TMEM222: variants seen among roughly 807,000 people sequenced by gnomAD.
TMEM222 encodes chromosome 1 open reading frame 160.
A neutral mutation model predicts 25.1 loss-of-function variants in TMEM222; 18 were observed. The observed-to-expected ratio is 0.72, with a 90% CI of 0.50 to 1.06. TMEM222 has a LOEUF of 1.06. Ranked by LOEUF, TMEM222 falls within the 50% of genes least tolerant of loss-of-function variation. The probability of loss-of-function intolerance (pLI) is 0.00; values close to 1 mark genes in which losing one functional copy is unlikely to be tolerated. For missense variants in TMEM222, 296 were observed against 293.7 expected, an observed-to-expected ratio of 1.01 and a Z score of -0.06; for synonymous variants, 131 against 117.9, an observed-to-expected ratio of 1.11 and a Z score of -0.72.
chr1:27,322,283 C>A lies in TMEM222; in HGVS notation c.86C>A (p.Ala29Glu). Residue 29 changes from alanine (A) to glutamate (E), a missense_variant, in exon 1 of 6, where the codon GCG becomes GAG. Transcript: ENST00000374076. ...PRMAEVEAPTAAETDMKQYQG... is the reference protein window; with the variant it reads ...PRMAEVEAPTEAETDMKQYQG... ...ATGGCGGAAGTGGAGGCGCCGACGGCGGCCGAGACGGACATGAAGCAATAT... is the reference window on the plus strand; with the variant it reads ...ATGGCGGAAGTGGAGGCGCCGACGGAGGCCGAGACGGACATGAAGCAATAT... The A allele has an allele frequency of 6.5e-7, 1 of 1,549,524 alleles. No individual in the cohort carries two copies. The highest frequency in any genetic ancestry group is 8.7e-7 in the Non-Finnish European group (1 of 1,145,162).
In TMEM222 at chr1:27,335,444, G is replaced by T. The variant is rs760111527; in HGVS notation, c.605G>T (p.Ser202Ile). 4 of 1,614,190 alleles carry T rather than the reference G, an allele frequency of 2.5e-6. No homozygotes were observed. The South Asian group carries it at 4.4e-5, about 18-fold the overall frequency. The change falls in exon 6 of 6, where the codon AGC becomes ATC. Residue 202 changes from serine (S) to isoleucine (I), a missense_variant. Coordinates refer to ENST00000374076, the MANE Select transcript of TMEM222 (RefSeq NM_032125.3). Reference sequence around the variant, plus strand: ...CTCCTGGGCATCATCCTCACCGTCAGCCTGGTCTTTAACCTCCGGTGATGG... The same window carrying T: ...CTCCTGGGCATCATCCTCACCGTCATCCTGGTCTTTAACCTCCGGTGATGG... ...ILLLGIILTVSLVFNLR is the reference protein window; with the variant it reads ...ILLLGIILTVILVFNLR
chr1:27,332,594 G>A (rs1359996221), intron 3 of TMEM222: 5 of 705,042 alleles, frequency 7.1e-6, no homozygotes, highest in Non-Finnish European at 1.3e-5. Flanking sequence ...GGGACATTTG[G>A]TCTTCATCTT....
intron 1 of TMEM222, among the ~76,000 whole-genome samples, chr1:27,326,526 A>G (rs1439810303): frequency 6.6e-6 from 1 of 151,900 alleles, no homozygotes; most frequent in Non-Finnish European, 1.5e-5. Context: ...TGCTGTAACC[A>G]AAAAAAAGGG....
At chr1:27,330,639 T>G (rs2014456045) in intron 1 of TMEM222, 81 bp from the exon 2 acceptor site, 1 of 1,162,814 alleles carries the variant, frequency 8.6e-7, no homozygotes, top group Non-Finnish European at 1.3e-6. Context: ...GCTTCTGTAC[T>G]GTATGAAGGG....
chr1:27,331,227 A>G (rs1432334321), intron 2 of TMEM222: 6 of 1,000,976 alleles, frequency 6.0e-6, no homozygotes, highest in Non-Finnish European at 7.4e-6. Context: ...AGAATGAAGC[A>G]GCTGTGTTCT....
chr1:27,322,485 C>A (rs2014229039), intron 1 of TMEM222, 94 bp downstream of exon 1: 1 of 1,232,370 alleles, frequency 8.1e-7, no homozygotes, highest in Non-Finnish European at 1.1e-6. Flanking sequence ...GCGCAGCAAG[C>A]CTTTTCCTCG....
chr1:27,331,801 C>T (rs1422943956), intron 2 of TMEM222, among the ~76,000 whole-genome samples: 1 of 152,258 alleles, frequency 6.6e-6, no homozygotes. Flanking sequence ...CTGGGTGCCA[C>T]ACCAAGGGAC....
In TMEM222 at chr1:27,332,288, G is replaced by C. The variant is rs1055962594; in HGVS notation, c.311+187G>C. ...CAGAGTGTGTACCGCACCAGCCCCT[G>C]GCTAGGGCCTTTACCTGTAGACCAT... is the stretch of plus-strand genomic sequence containing the variant. On this transcript the variant is annotated intron_variant, in intron 3 of 5. Transcript: ENST00000374076. The C allele has an allele frequency of 9.8e-6, 7 of 714,502 alleles. No individual in the cohort carries two copies. In the Admixed American group the frequency reaches 1.4e-4, roughly 15 times the overall value. The allele number at this position is 714,502 out of a possible 1,614,324, so 44.3% of individuals were successfully genotyped here.
At chr1:27,334,101 G>C in intron 4 of TMEM222, 47 bp downstream of exon 4, 4 of 1,614,008 alleles carry the variant, frequency 2.5e-6, no homozygotes, top group Admixed American at 1.7e-5. Flanking sequence ...GGGGACCAGG[G>C]GGGAGGCTCC....
intron 5 of TMEM222, 61 bp from the exon 6 acceptor site, chr1:27,335,318 C>T (rs953974223): frequency 1.6e-5 from 24 of 1,543,064 alleles, no homozygotes; most frequent in East Asian, 2.2e-5. Flanking sequence ...CTCAGGGCTG[C>T]GGGCCGCATG....
At chr1:27,325,817 T>A in intron 1 of TMEM222, 1 of 800,392 alleles carries the variant, frequency 1.2e-6, no homozygotes. Context: ...AGCCGATGCG[T>A]AGCATTTGCT....
intron 3 of TMEM222, chr1:27,332,840 A>G: frequency 2.6e-6 from 1 of 381,674 alleles, no homozygotes; most frequent in Non-Finnish European, 4.9e-6. Flanking sequence ...GTTCGCTGCC[A>G]GACTGCTCTT....
chr1:27,332,174 G>A, intron 3 of TMEM222, 73 bp downstream of exon 3: 4 of 1,558,058 alleles, frequency 2.6e-6, no homozygotes, highest in Non-Finnish European at 3.5e-6. Context: ...GGCCTTCTGG[G>A]GCACAGGAGG....
intron 1 of TMEM222, chr1:27,325,661 G>T (rs878862520): frequency 1.2e-6 from 1 of 835,808 alleles, no homozygotes; most frequent in Non-Finnish European, 2.1e-6. Context: ...AGCTCATTGT[G>T]CCCCCAGAGT....
intron 1 of TMEM222, chr1:27,325,215 T>C: frequency 2.4e-6 from 1 of 412,762 alleles, no homozygotes; most frequent in South Asian, 2.1e-5. Flanking sequence ...GAAAAACCAG[T>C]TTAGTGCTCG....
intron 2 of TMEM222, chr1:27,331,227 A>C (rs1432334321): frequency 1.3e-5 from 13 of 1,000,858 alleles, no homozygotes; most frequent in Non-Finnish European, 1.6e-5. Flanking sequence ...AGAATGAAGC[A>C]GCTGTGTTCT....
rs546341236 is a variant in TMEM222, at chr1:27,325,857, C to T, written c.194+3466C>T. 2.2e-5 allele frequency: 17 copies of T among 778,536 alleles called. 1 individual carries two copies. In the East Asian group the frequency reaches 4.2e-4, roughly 19 times the overall value. 48.2% of individuals were successfully genotyped at this position (778,536 alleles called of 1,614,324 possible). On this transcript the variant is annotated intron_variant, in intron 1 of 5. Coordinates refer to ENST00000374076, the MANE Select transcript of TMEM222 (RefSeq NM_032125.3). Reference sequence around the variant, plus strand: ...GGGTTAATTCAGAAGTATAAATTGGCCCTGGCAAATGCATATACCTCATGC... The same window carrying T: ...GGGTTAATTCAGAAGTATAAATTGGTCCTGGCAAATGCATATACCTCATGC...
intron 1 of TMEM222, among the ~76,000 whole-genome samples, chr1:27,329,178 C>T (rs1004851544): frequency 4.6e-5 from 7 of 151,936 alleles, no homozygotes; most frequent in African/African-American, 1.5e-4. Context: ...TGAACTCCCC[C>T]ACCCATACTG....
chr1:27,322,862 C>G (rs1219180791), intron 1 of TMEM222, among the ~76,000 whole-genome samples: 2 of 151,992 alleles, frequency 1.3e-5, no homozygotes, highest in Non-Finnish European at 2.9e-5. Flanking sequence ...CCCCAGAGAT[C>G]TGAGAGTCCA....
Sources: allele counts gnomAD v4.1 joint callset (sites outside exome capture counted in the v4.1 genomes callset), GRCh38; gene constraint gnomAD v4.1.1; transcripts MANE v1.5; gene names NCBI Gene and HGNC (gene_info 2026-07-23, HGNC 2026-07-21).